The following SNAP47 variants were observed in gnomAD, a reference collection of about 807,000 sequenced individuals.
SNAP47 encodes synaptosomal-associated protein 47.
A neutral mutation model predicts 31.4 loss-of-function variants in SNAP47; 20 were observed. That is an observed-to-expected ratio of 0.64 (90% CI 0.45 to 0.93). The LOEUF is 0.93. Ranked by LOEUF, SNAP47 falls within the 40% of genes least tolerant of loss-of-function variation. SNAP47 has a pLI of 0.00. For synonymous variants in SNAP47, 194 were observed against 213.4 expected, an observed-to-expected ratio of 0.91 and a Z score of 0.79; for missense variants, 492 against 528.5, an observed-to-expected ratio of 0.93 and a Z score of 0.68.
chr1:227,770,321 T>C (rs779900185), intron 4 of SNAP47, among the ~76,000 whole-genome samples: 1 of 152,182 alleles, frequency 6.6e-6, no homozygotes, highest in South Asian at 2.1e-4. Flanking sequence ...TCAGGCTCAC[T>C]TGGGGCTCAG....
At chr1:227,728,344 G>C (rs1350638044), upstream of SNAP47, among the ~76,000 whole-genome samples, 1 of 151,994 alleles carries the variant, frequency 6.6e-6, no homozygotes, top group African/African-American at 2.4e-5. Flanking sequence ...GCTTGCCACC[G>C]GAGCGGGGGG....
chr1:227,735,337 C>T (rs1179127530), upstream of SNAP47: 3 of 1,598,686 alleles, frequency 1.9e-6, no homozygotes, highest in African/African-American at 2.7e-5. Context: ...CGGTGAGGAC[C>T]AGCCTCGGAA....
chr1:227,742,183 C>T (rs1661654498), intron 1 of SNAP47, among the ~76,000 whole-genome samples: 1 of 151,934 alleles, frequency 6.6e-6, no homozygotes, highest in Non-Finnish European at 1.5e-5. Context: ...CTCCCCCCTG[C>T]CCCTAGCCCA....
In SNAP47 at chr1:227,763,668, C is replaced by G. The variant is rs991140135; in HGVS notation, c.989-3291C>G. ...GAGGATGCCGCTCAGCCCCCACCTG[C>G]GCGTGCGTATTGGTTGAGTGGGAGA... On this transcript the variant is annotated intron_variant, in intron 3 of 4. Transcript: ENST00000617596. This position sits in a 1 kb window ranked among gnomAD's most constrained non-coding sequence, Gnocchi z 4.2. Among the ~76,000 whole-genome samples, 24 of 152,184 alleles carry G rather than the reference C, an allele frequency of 1.6e-4. No individual in the cohort carries two copies. The highest frequency in any genetic ancestry group is 1.4e-3 in the Admixed American group (22 of 15,284).
At chr1:227,751,387 C>T (rs144230414) in intron 2 of SNAP47, among the ~76,000 whole-genome samples, 3 of 152,340 alleles carry the variant, frequency 2.0e-5, no homozygotes, top group African/African-American at 7.2e-5. Context: ...TCAGCACCCC[C>T]ATTCTTGTGT....
upstream of SNAP47, chr1:227,731,349 T>C (rs908015948): frequency 1.3e-5 from 2 of 152,302 alleles, no homozygotes; most frequent in South Asian, 2.1e-4. Context: ...CCCCAGTTGA[T>C]GCCACGGGCA....
chr1:227,777,526 G>A (rs1266504637), intron 4 of SNAP47, among the ~76,000 whole-genome samples: 1 of 152,190 alleles, frequency 6.6e-6, no homozygotes, highest in East Asian at 1.9e-4. Flanking sequence ...CTTGCCGTAG[G>A]TAGTGTAACC....
Position 227,763,123 on chromosome 1 carries a change from AT to A in SNAP47, c.988+3652del, listed in dbSNP as rs1318794151. 2.0e-3 allele frequency among the ~76,000 whole-genome samples: 289 copies of A among 144,380 alleles called. No individual in the cohort carries two copies. Among genetic ancestry groups the A allele is most frequent in the Middle Eastern group, 3.5e-3 (1 of 282 alleles). 94.7% of individuals were successfully genotyped at this position (144,380 alleles called of 152,430 possible). A position where few individuals can be genotyped will look rare whatever the true frequency, so the allele number is the denominator to read the frequency against. On this transcript the variant is annotated intron_variant, in intron 3 of 4. Coordinates refer to ENST00000617596, the MANE Select transcript of SNAP47 (RefSeq NM_053052.4). The surrounding 1 kb of genome is among the most constrained non-coding windows in gnomAD (Gnocchi z 4.2). ...AGGCACATATCACCATGCCCAGCTA[AT>A]TTTTTTTTTTTTTAATTATGGGGTC...
intron 3 of SNAP47, among the ~76,000 whole-genome samples, chr1:227,764,410 C>G (rs369047538): frequency 6.6e-5 from 10 of 152,170 alleles, no homozygotes; most frequent in Admixed American, 2.0e-4. Flanking sequence ...GTCTCTGTCA[C>G]GCAGCCTCAG....
chr1:227,755,559 G>T (rs576477415), intron 2 of SNAP47, among the ~76,000 whole-genome samples: 1 of 151,972 alleles, frequency 6.6e-6, no homozygotes, highest in African/African-American at 2.4e-5. Flanking sequence ...GCTAATTTTT[G>T]AATTTTTAAT....
intron 4 of SNAP47, chr1:227,775,995 T>C: frequency 8.0e-7 from 1 of 1,245,808 alleles, no homozygotes; most frequent in Non-Finnish European, 1.0e-6. Flanking sequence ...TGGAGGAAAG[T>C]GGCTTTGGTG....
At chr1:227,767,138 G>A in intron 4 of SNAP47, 55 bp downstream of exon 4, 1 of 1,602,596 alleles carries the variant, frequency 6.2e-7, no homozygotes, top group South Asian at 1.1e-5. Flanking sequence ...CTTCCCGCAG[G>A]CTGCTCCTCT....
At chr1:227,759,645 C>A in intron 3 of SNAP47, 160 bp downstream of exon 3, 1 of 880,264 alleles carries the variant, frequency 1.1e-6, no homozygotes, top group Non-Finnish European at 1.7e-6. Context: ...AAAAACAATT[C>A]CAGACCATTT....
intron 4 of SNAP47, 32 bp from the exon 5 acceptor site, chr1:227,780,495 A>G: frequency 3.7e-6 from 6 of 1,612,698 alleles, no homozygotes; most frequent in Non-Finnish European, 5.1e-6. Flanking sequence ...CAGAGATGGC[A>G]GCCTCTGCTG....
upstream of SNAP47, among the ~76,000 whole-genome samples, chr1:227,728,300 T>C (rs767203349): frequency 6.6e-6 from 1 of 152,082 alleles, no homozygotes; most frequent in Non-Finnish European, 1.5e-5. Context: ...GAAGGGTTGT[T>C]ACTGGGTTTC....
In SNAP47 at chr1:227,765,467, C is replaced by T. The variant is rs1663335226; in HGVS notation, c.989-1492C>T. 2.0e-5 allele frequency among the ~76,000 whole-genome samples: 3 copies of T among 152,218 alleles called. No homozygotes were observed. In the South Asian group the frequency reaches 6.2e-4, roughly 31 times the overall value. On this transcript the variant is annotated intron_variant, in intron 3 of 4. Coordinates refer to ENST00000617596, the MANE Select transcript of SNAP47 (RefSeq NM_053052.4). ...TGGCTCAGTGTTTCAGAGAAGGGCTCCTCAGTGAGCAGCTTCATGTGAGGG... is the reference window on the plus strand; with the variant it reads ...TGGCTCAGTGTTTCAGAGAAGGGCTTCTCAGTGAGCAGCTTCATGTGAGGG...
chr1:227,751,021 G>A (rs1437252701), intron 2 of SNAP47, among the ~76,000 whole-genome samples: 2 of 152,146 alleles, frequency 1.3e-5, no homozygotes, highest in African/African-American at 2.4e-5. Context: ...CCAAGCGATG[G>A]GCCTGTCCCT....
intron 4 of SNAP47, among the ~76,000 whole-genome samples, chr1:227,772,044 A>G (rs910426848): frequency 6.6e-6 from 1 of 152,030 alleles, no homozygotes; most frequent in African/African-American, 2.4e-5. Flanking sequence ...TCAGGCTTGG[A>G]GGACTCACCC....
At chr1:227,772,166 G>A (rs1663857320) in intron 4 of SNAP47, among the ~76,000 whole-genome samples, 2 of 152,222 alleles carry the variant, frequency 1.3e-5, no homozygotes, top group Non-Finnish European at 2.9e-5. Flanking sequence ...ACGTGTTATA[G>A]CAGTGGGGAG....
Sources: allele counts gnomAD v4.1 joint callset (sites outside exome capture counted in the v4.1 genomes callset), GRCh38; gene constraint gnomAD v4.1.1; non-coding constraint Gnocchi (gnomAD v3.1); transcripts MANE v1.5; gene names NCBI Gene and HGNC (gene_info 2026-07-23, HGNC 2026-07-21).